The following ANAPC10 variants were observed in gnomAD, a reference collection of about 807,000 sequenced individuals.
ANAPC10 encodes the protein anaphase-promoting complex subunit 10.
A neutral mutation model predicts 22.0 loss-of-function variants in ANAPC10; 12 were observed. That is an observed-to-expected ratio of 0.55 (90% CI 0.35 to 0.88). The LOEUF (loss-of-function observed/expected upper bound fraction) is 0.88, where lower values mean the gene tolerates loss of function less well. Among genes scored for constraint, ANAPC10 ranks in the 40% least tolerant of loss-of-function variants. The pLI, the probability that ANAPC10 is intolerant of heterozygous loss-of-function variation, is 0.01. For synonymous variants in ANAPC10, 65 were observed against 69.5 expected (o/e 0.94, Z 0.32); for missense variants, 188 against 220.9 (o/e 0.85, Z 0.94).
chr4:144,999,023 G>T (rs1194939607), intron 4 of ANAPC10, among the ~76,000 whole-genome samples: 2 of 151,982 alleles, frequency 1.3e-5, no homozygotes, highest in African/African-American at 2.4e-5. Context: ...TACAAGAAAT[G>T]GATAAATTCC....
intron 4 of ANAPC10, among the ~76,000 whole-genome samples, chr4:145,019,146 C>T (rs1367595801): frequency 1.3e-5 from 2 of 152,132 alleles, no homozygotes; most frequent in Non-Finnish European, 2.9e-5. Context: ...ACAGAATACA[C>T]AATCTATTCA....
chr4:145,002,384 C>T lies in ANAPC10; in HGVS notation c.328-6781G>A, dbSNP rs528794112. 1.2e-4 allele frequency among the ~76,000 whole-genome samples: 19 copies of T among 152,116 alleles called. No homozygotes were observed. In the South Asian group the frequency reaches 2.5e-3, roughly 20 times the overall value. On this transcript the variant is annotated intron_variant, in intron 4 of 4. Coordinates refer to ENST00000507656, the MANE Select transcript of ANAPC10 (RefSeq NM_001256706.2). Reference sequence around the variant, plus strand: ...AGCTCTTCTGCCCTAGTGAAGAAGGCGACCACCTAAGAAGATGACTTTGAA... The same window carrying T: ...AGCTCTTCTGCCCTAGTGAAGAAGGTGACCACCTAAGAAGATGACTTTGAA...
At chr4:145,027,438 G>A (rs1736924795) in intron 4 of ANAPC10, among the ~76,000 whole-genome samples, 2 of 152,096 alleles carry the variant, frequency 1.3e-5, no homozygotes, top group Admixed American at 1.3e-4. Flanking sequence ...AGAGAGCACA[G>A]AGAAAACTAT....
intron 4 of ANAPC10, among the ~76,000 whole-genome samples, chr4:145,010,433 T>A (rs1380076450): frequency 6.6e-6 from 1 of 152,060 alleles, no homozygotes; most frequent in African/African-American, 2.4e-5. Context: ...CAAATGACCA[T>A]CGGTGATAGA....
At chr4:145,090,060 T>C (rs550680990) in intron 2 of ANAPC10, among the ~76,000 whole-genome samples, 9 of 152,308 alleles carry the variant, frequency 5.9e-5, no homozygotes, top group Non-Finnish European at 1.0e-4. Flanking sequence ...ATGAAATTAA[T>C]TGACTAAGCC....
At chr4:145,093,338 C>T (rs1392941368) in intron 2 of ANAPC10, among the ~76,000 whole-genome samples, 1 of 151,960 alleles carries the variant, frequency 6.6e-6, no homozygotes, top group Non-Finnish European at 1.5e-5. Flanking sequence ...CTAACTAATG[C>T]AAATCCCACA....
chr4:145,079,349 G>A (rs907566591), intron 3 of ANAPC10, among the ~76,000 whole-genome samples: 4 of 152,140 alleles, frequency 2.6e-5, no homozygotes, highest in Non-Finnish European at 4.4e-5. Context: ...AAGTTGGAAT[G>A]TTTATTACTA....
At chr4:145,038,007 C>T (rs1042730496) in intron 4 of ANAPC10, among the ~76,000 whole-genome samples, 2 of 150,932 alleles carry the variant, frequency 1.3e-5, no homozygotes, top group East Asian at 3.9e-4. Flanking sequence ...ACCAACCTAC[C>T]TTTTAAACAA....
At chr4:145,048,834 T>A (rs977938845) in intron 4 of ANAPC10, among the ~76,000 whole-genome samples, 1 of 152,192 alleles carries the variant, frequency 6.6e-6, no homozygotes, top group Non-Finnish European at 1.5e-5. Flanking sequence ...TTATTTCTTA[T>A]GCAAGTTTTG....
intron 4 of ANAPC10, among the ~76,000 whole-genome samples, chr4:145,019,577 G>A (rs887774033): frequency 1.3e-5 from 2 of 151,904 alleles, no homozygotes; most frequent in Admixed American, 1.3e-4. Context: ...CCCAGCAGAA[G>A]AAAGGAAATG....
At chr4:145,002,824 T>C (rs1732770304) in intron 4 of ANAPC10, among the ~76,000 whole-genome samples, 1 of 152,218 alleles carries the variant, frequency 6.6e-6, no homozygotes. Context: ...TACAAAATTA[T>C]ATACATAATA....
At chr4:145,087,058 G>C (rs1747007834) in intron 2 of ANAPC10, among the ~76,000 whole-genome samples, 2 of 151,808 alleles carry the variant, frequency 1.3e-5, no homozygotes, top group South Asian at 4.2e-4. Flanking sequence ...AGTCTGGCTT[G>C]GTCTTCTGAA....
intron 4 of ANAPC10, among the ~76,000 whole-genome samples, chr4:145,034,549 G>T (rs978974511): frequency 1.1e-5 from 1 of 94,072 alleles, no homozygotes; most frequent in Non-Finnish European, 1.9e-5. Flanking sequence ...ATATATGTGT[G>T]TGTGTGTGTG....
chr4:145,032,479 T>C (rs1268087554), intron 4 of ANAPC10, among the ~76,000 whole-genome samples: 3 of 152,220 alleles, frequency 2.0e-5, no homozygotes, highest in Non-Finnish European at 4.4e-5. Context: ...TGAATATATT[T>C]GTATCCCATA....
chr4:145,037,349 T>G (rs1738735656), intron 4 of ANAPC10, among the ~76,000 whole-genome samples: 1 of 152,182 alleles, frequency 6.6e-6, no homozygotes, highest in African/African-American at 2.4e-5. Flanking sequence ...AAAAGTACAC[T>G]ATCATTCTAT....
chr4:145,022,427 C>A (rs561904195), intron 4 of ANAPC10, among the ~76,000 whole-genome samples: 2 of 151,954 alleles, frequency 1.3e-5, no homozygotes, highest in African/African-American at 4.8e-5. Flanking sequence ...GAGAACCAAA[C>A]ATCGTATATT....
chr4:145,084,760 G>A (rs1037692423), intron 2 of ANAPC10, among the ~76,000 whole-genome samples: 7 of 152,082 alleles, frequency 4.6e-5, no homozygotes, highest in Admixed American at 3.3e-4. Context: ...TTGAAATATA[G>A]CAAGTCCAAA....
At position 145,082,396 on chromosome 4, in the gene ANAPC10, G is replaced by A. The variant is rs541159837; in HGVS notation, c.116-646C>T. Reference sequence around the variant, plus strand: ...ACTCCCAACTTCAAGTGATCCAGCCGCCTCAGCTTCCCAAAGTGCTGGGAT... The same window carrying A: ...ACTCCCAACTTCAAGTGATCCAGCCACCTCAGCTTCCCAAAGTGCTGGGAT... On this transcript the variant is annotated intron_variant, in intron 2 of 4. Coordinates refer to ENST00000507656, the MANE Select transcript of ANAPC10 (RefSeq NM_001256706.2). Among the ~76,000 whole-genome samples the A allele has an allele frequency of 9.2e-5, 14 of 152,294 alleles. No homozygotes were observed. The Middle Eastern group carries it at 0.01, about 111-fold the overall frequency.
intron 4 of ANAPC10, among the ~76,000 whole-genome samples, chr4:145,029,108 G>A (rs1162138967): frequency 3.3e-5 from 5 of 152,100 alleles, no homozygotes; most frequent in Non-Finnish European, 4.4e-5. Context: ...CCTGAAACTT[G>A]GAATTAGGAA....
Sources: allele counts gnomAD v4.1 joint callset (sites outside exome capture counted in the v4.1 genomes callset), GRCh38; gene constraint gnomAD v4.1.1; transcripts MANE v1.5; gene names NCBI Gene and HGNC (gene_info 2026-07-23, HGNC 2026-07-21).